The following UST variants were observed in gnomAD, a reference collection of about 807,000 sequenced individuals.
The protein encoded by UST is uronyl 2-sulfotransferase, also known as chondroitin sulfate 2-O-sulfotransferase.
Under a neutral mutation model 45.6 loss-of-function variants are expected in UST, and 21 were observed. The observed-to-expected ratio is 0.46, with a 90% CI of 0.33 to 0.66. The LOEUF is 0.66. Ranked by LOEUF, UST falls within the 30% of genes least tolerant of loss-of-function variation. UST has a pLI of 0.02. For synonymous variants in UST, 215 were observed against 200.6 expected (o/e 1.07, Z -0.61); for missense variants, 463 against 512.4 (o/e 0.90, Z 0.93).
chr6:149,036,970 C>T (rs941836190), intron 7 of UST, among the ~76,000 whole-genome samples: 5 of 152,152 alleles, frequency 3.3e-5, no homozygotes, highest in Non-Finnish European at 5.9e-5. Context: ...AGCGTATGAC[C>T]ATTTAAAGGT....
intron 7 of UST, among the ~76,000 whole-genome samples, chr6:149,029,392 TATATA>T (rs944120762): frequency 7.6e-5 from 11 of 144,880 alleles, no homozygotes; most frequent in African/African-American, 2.5e-4. Flanking sequence ...TATTGTATGT[TATATA>T]TTATATATAA....
chr6:148,794,414 T>C (rs566805387), intron 1 of UST, among the ~76,000 whole-genome samples: 1 of 152,340 alleles, frequency 6.6e-6, no homozygotes, highest in South Asian at 2.1e-4. Flanking sequence ...TGAAGAGAAA[T>C]TTATTTTTAA....
intron 7 of UST, among the ~76,000 whole-genome samples, chr6:149,027,427 A>G (rs1004298378): frequency 1.1e-4 from 17 of 152,326 alleles, no homozygotes; most frequent in Middle Eastern, 3.4e-3. Flanking sequence ...TCCAGTTTTC[A>G]AGTGGATGGT....
Position 148,938,289 on chromosome 6 carries a change from T to C in UST, c.292-2990T>C, listed in dbSNP as rs539386839. Among the ~76,000 whole-genome samples, 3 of 152,314 alleles carry C rather than the reference T, an allele frequency of 2.0e-5. No homozygotes were observed. In the South Asian group the frequency reaches 6.2e-4, roughly 32 times the overall value. ...TATGTACAAAGCACATTCTAGGCAC[T>C]GTGAGGACACATAGTAGACTGGCCC... is the stretch of plus-strand genomic sequence containing the variant. On this transcript the variant is annotated intron_variant, in intron 2 of 7. Coordinates refer to ENST00000367463, the MANE Select transcript of UST (RefSeq NM_005715.3).
chr6:149,014,538 G>T (rs1382504911), intron 5 of UST, among the ~76,000 whole-genome samples: 1 of 152,214 alleles, frequency 6.6e-6, no homozygotes, highest in Non-Finnish European at 1.5e-5. Flanking sequence ...CCATCTGCCA[G>T]ATGTGGCTGG....
At chr6:148,970,296 A>G (rs1780888880) in intron 5 of UST, among the ~76,000 whole-genome samples, 1 of 152,146 alleles carries the variant, frequency 6.6e-6, no homozygotes, top group African/African-American at 2.4e-5. Flanking sequence ...CACCTGTGCT[A>G]CCACCAAACG....
At position 149,036,366 on chromosome 6, in the gene UST, G is replaced by A. The variant is rs147946443; in HGVS notation, c.937+14885G>A. Reference sequence around the variant, plus strand: ...TCGTCTGCTTTGCCTAATCGGATGCGTGCCTCCAACCGCATTTCATCTTCC... The same window carrying A: ...TCGTCTGCTTTGCCTAATCGGATGCATGCCTCCAACCGCATTTCATCTTCC... On this transcript the variant is annotated intron_variant, in intron 7 of 7. Transcript: ENST00000367463. 4.2e-3 allele frequency among the ~76,000 whole-genome samples: 638 copies of A among 152,278 alleles called. 2 individuals carry two copies. The highest frequency in any genetic ancestry group is 0.014 in the African/African-American group (577 of 41,558).
intron 5 of UST, among the ~76,000 whole-genome samples, chr6:149,010,704 C>A (rs923280320): frequency 3.3e-5 from 5 of 151,660 alleles, no homozygotes; most frequent in Non-Finnish European, 5.9e-5. Context: ...ACCAGCCTGA[C>A]CAACATGGTG....
At chr6:148,902,141 G>A (rs1475075726) in intron 2 of UST, among the ~76,000 whole-genome samples, 1 of 152,032 alleles carries the variant, frequency 6.6e-6, no homozygotes, top group Admixed American at 6.6e-5. Flanking sequence ...TTCTGTGTCT[G>A]GTGTGTATAA....
chr6:148,768,676 G>A (rs945291806), intron 1 of UST, among the ~76,000 whole-genome samples: 3 of 152,098 alleles, frequency 2.0e-5, no homozygotes, highest in Non-Finnish European at 4.4e-5. Context: ...AAACAAAGTC[G>A]TCATTTTGAA....
At chr6:149,030,812 A>AT (rs1776128379) in intron 7 of UST, among the ~76,000 whole-genome samples, 1 of 152,178 alleles carries the variant, frequency 6.6e-6, no homozygotes, top group Non-Finnish European at 1.5e-5. Context: ...ACAGAAAAAA[A>AT]TAATTTTGAG....
At chr6:148,993,829 G>T (rs186124221) in intron 5 of UST, among the ~76,000 whole-genome samples, 3 of 152,236 alleles carry the variant, frequency 2.0e-5, no homozygotes, top group African/African-American at 7.2e-5. Context: ...GCCATGATTG[G>T]AAGCTTGCTG....
intron 7 of UST, among the ~76,000 whole-genome samples, chr6:149,069,110 A>G (rs55976567): frequency 0.041 from 6,191 of 152,324 alleles, 421 homozygotes; most frequent in African/African-American, 0.14. Context: ...TCCATTGTGT[A>G]TAATACCACA....
intron 7 of UST, among the ~76,000 whole-genome samples, chr6:149,067,808 G>A (rs1776763839): frequency 6.6e-6 from 1 of 152,186 alleles, no homozygotes; most frequent in East Asian, 1.9e-4. Flanking sequence ...GATTTTAGAT[G>A]CTGGTTATCA....
At position 148,819,093 on chromosome 6, in the gene UST, C is replaced by T. The variant is rs138918991; in HGVS notation, c.248-67893C>T. Among the ~76,000 whole-genome samples the T allele has an allele frequency of 4.9e-4, 74 of 152,226 alleles. No homozygotes were observed. In the South Asian group the frequency reaches 6.0e-3, roughly 12 times the overall value. ...AGAGGCTGCATTTGAAGCAAAACCC[C>T]GCTGGGCTCTGTGAGCGAACTTTGC... is the stretch of plus-strand genomic sequence containing the variant. On this transcript the variant is annotated intron_variant, in intron 1 of 7. Transcript: ENST00000367463.
intron 1 of UST, among the ~76,000 whole-genome samples, chr6:148,859,883 T>A (rs1256608732): frequency 5.9e-5 from 9 of 152,212 alleles, no homozygotes; most frequent in Admixed American, 5.9e-4. Context: ...ACCGTGCTGT[T>A]TTGGTTACTG....
intron 7 of UST, among the ~76,000 whole-genome samples, chr6:149,039,745 G>A (rs1562336862): frequency 6.6e-6 from 1 of 152,216 alleles, no homozygotes; most frequent in African/African-American, 2.4e-5. Flanking sequence ...GAGCAGCGAG[G>A]AAACTGTCGC....
intron 3 of UST, among the ~76,000 whole-genome samples, chr6:148,942,540 G>C (rs899703528): frequency 6.6e-6 from 1 of 152,152 alleles, no homozygotes; most frequent in African/African-American, 2.4e-5. Flanking sequence ...CCTGGAGACA[G>C]AGCGAGACTT....
chr6:148,874,500 C>G (rs1778613263), intron 1 of UST, among the ~76,000 whole-genome samples: 1 of 152,158 alleles, frequency 6.6e-6, no homozygotes, highest in African/African-American at 2.4e-5. Flanking sequence ...TTTTCAGTGT[C>G]TGGAATGCTC....
Sources: gnomAD v4.1 joint callset for allele counts (sites outside exome capture counted in the v4.1 genomes callset) on GRCh38, gnomAD v4.1.1 for gene constraint, MANE v1.5 for transcripts, NCBI Gene and HGNC (gene_info 2026-07-23, HGNC 2026-07-21) for gene names.